The following PRR29 variants were observed in gnomAD, a reference collection of about 807,000 sequenced individuals.
The protein encoded by PRR29 is proline-rich protein 29.
PRR29 carries 20 observed loss-of-function variants against 25.1 expected under a neutral mutation model. The observed-to-expected ratio is 0.80, with a 90% CI of 0.56 to 1.16. The LOEUF (loss-of-function observed/expected upper bound fraction) is 1.16, where lower values mean the gene tolerates loss of function less well. Ranked by LOEUF, PRR29 falls within the 50% of genes most tolerant of loss-of-function variation. PRR29 has a pLI of 0.00. For synonymous variants in PRR29, 108 were observed against 102.6 expected, an observed-to-expected ratio of 1.05 and a Z score of -0.32; for missense variants, 238 against 246.6, an observed-to-expected ratio of 0.97 and a Z score of 0.23.
Position 64,001,987 on chromosome 17 carries a change from A to C in PRR29, c.*226A>C. ...GTGCTGTTGTGTAAGAGCTCCCTAG[A>C]GCACCACCCAGGCCCTTGAAGCCAC... On this transcript the variant is annotated 3_prime_UTR_variant, in exon 6 of 6. Transcript: ENST00000412177. 6.5e-7 allele frequency: 1 copy of C among 1,534,124 alleles called. No individual in the cohort carries two copies. The highest frequency in any genetic ancestry group is 2.4e-5 in the East Asian group (1 of 40,838).
At chr17:63,998,464 G>A (rs1226037618) in intron 1 of PRR29, 40 bp downstream of exon 1, 18 of 1,451,992 alleles carry the variant, frequency 1.2e-5, no homozygotes, top group Non-Finnish European at 1.5e-5. Flanking sequence ...CCTTAGCTTG[G>A]GAGACGGCAG....
chr17:64,003,724 C>A lies in PRR29; in HGVS notation c.*1963C>A. On this transcript the variant is annotated 3_prime_UTR_variant, in exon 6 of 6. Transcript: ENST00000412177. ...AGACATCAAGTCCAGCACAGCCAGG[C>A]AGGAGAAGTTGCGGTGGCCATCCTC... The A allele has an allele frequency of 3.7e-6, 6 of 1,614,200 alleles. No individual in the cohort carries two copies. Among genetic ancestry groups the A allele is most frequent in the Non-Finnish European group, 5.1e-6 (6 of 1,180,052 alleles).
Position 64,003,000 on chromosome 17 carries a change from C to T in PRR29, c.*1239C>T, listed in dbSNP as rs900337479. 8.4e-6 allele frequency: 12 copies of T among 1,434,962 alleles called. No individual in the cohort carries two copies. Among genetic ancestry groups the T allele is most frequent in the Admixed American group, 7.9e-5 (4 of 50,676 alleles). 88.9% of individuals were successfully genotyped at this position (1,434,962 alleles called of 1,614,324 possible). ...CAGGGACCAAAAGGGAGTGGAAGTC[C>T]ACCCCCAACCCAGACCCCCAGACCC... On this transcript the variant is annotated 3_prime_UTR_variant, in exon 6 of 6. Transcript: ENST00000412177.
chr17:64,001,795 T>C lies in PRR29; in HGVS notation c.*34T>C. On this transcript the variant is annotated 3_prime_UTR_variant, in exon 6 of 6. Coordinates refer to ENST00000412177, the MANE Select transcript of PRR29 (RefSeq NM_001164257.2). Reference sequence around the variant, plus strand: ...CCCGGCCCTGGGAACTGCACCAGCTTCCTGCTCTGGATACAGCCCCGGAGC... The same window carrying C: ...CCCGGCCCTGGGAACTGCACCAGCTCCCTGCTCTGGATACAGCCCCGGAGC... 6.5e-7 allele frequency: 1 copy of C among 1,537,058 alleles called. No homozygotes were observed. Among genetic ancestry groups the C allele is most frequent in the Non-Finnish European group, 8.7e-7 (1 of 1,146,850 alleles).
chr17:64,002,937 G>A lies in PRR29; in HGVS notation c.*1176G>A. On this transcript the variant is annotated 3_prime_UTR_variant, in exon 6 of 6. Transcript: ENST00000412177. ...GTCCGACACAGGCTCTGGGGAGGGA[G>A]GGGGCAAGGGTCTTAGACGTCCTGT... 1 of 1,611,684 alleles carries A rather than the reference G, an allele frequency of 6.2e-7. No homozygotes were observed. Among genetic ancestry groups the A allele is most frequent in the Non-Finnish European group, 8.5e-7 (1 of 1,178,570 alleles).
rs1233505364 is a variant in PRR29 at position 63,999,054 on chromosome 17, C to A, written c.223C>A (p.Pro75Thr). Residue 75 changes from proline to threonine, a missense_variant, in exon 3 of 6, where the codon CCT (proline) becomes ACT (threonine). Transcript: ENST00000412177. Reference protein sequence around the residue: ...RLVAGALQPRPASPCPQVYLE... With the variant: ...RLVAGALQPRTASPCPQVYLE... ...GGTGGCTGGAGCGCTGCAGCCCCGG[C>A]CTGCCTCGCCCTGCCCTCAGGTGCG... The A allele has an allele frequency of 1.2e-5, 18 of 1,535,764 alleles. No individual in the cohort carries two copies. Among genetic ancestry groups the A allele is most frequent in the Non-Finnish European group, 1.4e-5 (16 of 1,146,692 alleles).
At position 63,998,797 on chromosome 17, in the gene PRR29, T is replaced by TGGGGC; in HGVS notation, c.136+15_136+16insGGGGC. The TGGGGC allele has an allele frequency of 9.4e-7, 1 of 1,062,594 alleles. No homozygotes were observed. The highest frequency in any genetic ancestry group is 1.3e-6 in the Non-Finnish European group (1 of 761,692). 65.8% of individuals were successfully genotyped at this position (1,062,594 alleles called of 1,614,324 possible). Reference sequence around the variant, plus strand: ...CGTGAAGGAAGGTGAGACTCCCGGGTCCCCCCACCCCACCCCCACCATCAC... The same window carrying TGGGGC: ...CGTGAAGGAAGGTGAGACTCCCGGGTGGGGCCCCCCCACCCCACCCCCACCATCAC... On this transcript the variant is annotated intron_variant, in intron 2 of 5. Transcript: ENST00000412177.
In PRR29 at chr17:63,998,760, G is replaced by C. The variant is rs750352448; in HGVS notation, c.114G>C (p.Pro38=). The stretch of plus-strand genomic sequence containing the variant: ...CGTGGGCCGTCCCACCTGCGCCCCC[G>C]CAGCCAGGCCGCGTGAAGGAAGGTG... ...PLSWAVPPAP[P]QPGRVKEDLL... The change falls in exon 2 of 6, where the codon CCG becomes CCC. Residue 38 remains proline, a synonymous_variant. Transcript: ENST00000412177. The C allele has an allele frequency of 1.3e-6, 2 of 1,484,658 alleles. No homozygotes were observed. The highest frequency in any genetic ancestry group is 2.5e-5 in the South Asian group (2 of 80,614). 92.0% of individuals were successfully genotyped at this position (1,484,658 alleles called of 1,614,324 possible).
In PRR29 at chr17:64,002,764, G is replaced by T. The variant is rs758102062; in HGVS notation, c.*1003G>T. On this transcript the variant is annotated 3_prime_UTR_variant, in exon 6 of 6. Coordinates refer to ENST00000412177, the MANE Select transcript of PRR29 (RefSeq NM_001164257.2). ...CATGGTTGCTATGGCCGGAAGGCCT[G>T]GGGCAGCCTCCTCCAAGCCGCTCGC... 1 of 1,612,046 alleles carries T rather than the reference G, an allele frequency of 6.2e-7. No individual in the cohort carries two copies. Among genetic ancestry groups the T allele is most frequent in the Non-Finnish European group, 8.5e-7 (1 of 1,179,860 alleles).
rs1910816847 is a variant in PRR29 at position 64,002,155 on chromosome 17, G to T, written c.*394G>T. The T allele has an allele frequency of 5.1e-6, 4 of 782,672 alleles. No individual in the cohort carries two copies. The highest frequency in any genetic ancestry group is 8.0e-6 in the Non-Finnish European group (4 of 503,072). The allele number at this position is 782,672 out of a possible 1,614,324, so 48.5% of individuals were successfully genotyped here. On this transcript the variant is annotated 3_prime_UTR_variant, in exon 6 of 6. Transcript: ENST00000412177. ...AGTAATGGAGCAAGAGGGGAGGGGG[G>T]GATTCCTTCTGCTTTCCACAGCTTT...
At position 63,998,353 on chromosome 17, in the gene PRR29, C is replaced by G. The variant is rs763786276; in HGVS notation, c.-12C>G. ...GGCGTCCTCGGCGTCGCCAAGGCAA[C>G]CGGCGCCAGCCATGGCCTCTGGGGC... On this transcript the variant is annotated 5_prime_UTR_variant, in exon 1 of 6. Coordinates refer to ENST00000412177, the MANE Select transcript of PRR29 (RefSeq NM_001164257.2). The G allele has an allele frequency of 2.6e-6, 4 of 1,531,480 alleles. No individual in the cohort carries two copies. Among genetic ancestry groups the G allele is most frequent in the Middle Eastern group, 3.6e-4 (2 of 5,516 alleles). 94.9% of individuals were successfully genotyped at this position (1,531,480 alleles called of 1,614,324 possible).
At position 63,998,797 on chromosome 17, in the gene PRR29, T is replaced by TGGGGCC; in HGVS notation, c.136+15_136+16insGGGGCC. ...CGTGAAGGAAGGTGAGACTCCCGGGTCCCCCCACCCCACCCCCACCATCAC... is the reference window on the plus strand; with the variant it reads ...CGTGAAGGAAGGTGAGACTCCCGGGTGGGGCCCCCCCCACCCCACCCCCACCATCAC... On this transcript the variant is annotated intron_variant, in intron 2 of 5. Coordinates refer to ENST00000412177, the MANE Select transcript of PRR29 (RefSeq NM_001164257.2). 2 of 1,062,590 alleles carry TGGGGCC rather than the reference T, an allele frequency of 1.9e-6. No individual in the cohort carries two copies. The highest frequency in any genetic ancestry group is 1.3e-6 in the Non-Finnish European group (1 of 761,688). The allele number at this position is 1,062,590 out of a possible 1,614,324, so 65.8% of individuals were successfully genotyped here. A position where few individuals can be genotyped will look rare whatever the true frequency, so the allele number is the denominator to read the frequency against.
chr17:64,002,686 C>T lies in PRR29; in HGVS notation c.*925C>T. On this transcript the variant is annotated 3_prime_UTR_variant, in exon 6 of 6. Coordinates refer to ENST00000412177, the MANE Select transcript of PRR29 (RefSeq NM_001164257.2). Reference sequence around the variant, plus strand: ...CCTTCAGCCAGGGCTGGACCTCAACCCTGAGGAGTCACACTGAGTTCCAGT... The same window carrying T: ...CCTTCAGCCAGGGCTGGACCTCAACTCTGAGGAGTCACACTGAGTTCCAGT... 4 of 1,495,440 alleles carry T rather than the reference C, an allele frequency of 2.7e-6. No individual in the cohort carries two copies. Among genetic ancestry groups the T allele is most frequent in the Non-Finnish European group, 3.7e-6 (4 of 1,090,808 alleles). 92.6% of individuals were successfully genotyped at this position (1,495,440 alleles called of 1,614,324 possible). A position where few individuals can be genotyped will look rare whatever the true frequency, so the allele number is the denominator to read the frequency against.
intron 5 of PRR29, 29 bp from the exon 6 acceptor site, chr17:64,001,704 G>A (rs1313875769): frequency 2.0e-6 from 3 of 1,535,912 alleles, no homozygotes; most frequent in South Asian, 2.4e-5. Flanking sequence ...AGACAGGAGG[G>A]AGTCAAGATG....
Position 64,002,734 on chromosome 17 carries a change from C to T in PRR29, c.*973C>T, listed in dbSNP as rs1910863767. ...AGTGACCACCGTGGTGGTGGCCATG[C>T]CACTCATGGTTGCTATGGCCGGAAG... is the stretch of plus-strand genomic sequence containing the variant. On this transcript the variant is annotated 3_prime_UTR_variant, in exon 6 of 6. Coordinates refer to ENST00000412177, the MANE Select transcript of PRR29 (RefSeq NM_001164257.2). 1 of 1,607,156 alleles carries T rather than the reference C, an allele frequency of 6.2e-7. No homozygotes were observed. Among genetic ancestry groups the T allele is most frequent in the Non-Finnish European group, 8.5e-7 (1 of 1,177,520 alleles).
Position 63,998,797 on chromosome 17 carries a change from T to TGGCCCCCCCCCCCCCCC in PRR29, c.136+15_136+16insGGCCCCCCCCCCCCCCC. 1 of 1,062,602 alleles carries TGGCCCCCCCCCCCCCCC rather than the reference T, an allele frequency of 9.4e-7. No homozygotes were observed. The highest frequency in any genetic ancestry group is 1.3e-6 in the Non-Finnish European group (1 of 761,702). 65.8% of individuals were successfully genotyped at this position (1,062,602 alleles called of 1,614,324 possible). A position where few individuals can be genotyped will look rare whatever the true frequency, so the allele number is the denominator to read the frequency against. On this transcript the variant is annotated intron_variant, in intron 2 of 5. Transcript: ENST00000412177. ...CGTGAAGGAAGGTGAGACTCCCGGG[T>TGGCCCCCCCCCCCCCCC]CCCCCCACCCCACCCCCACCATCAC...
chr17:64,002,018 C>T lies in PRR29; in HGVS notation c.*257C>T, dbSNP rs1481063403. 2 of 1,523,364 alleles carry T rather than the reference C, an allele frequency of 1.3e-6. No homozygotes were observed. The highest frequency in any genetic ancestry group is 2.7e-5 in the African/African-American group (2 of 72,818). The allele number at this position is 1,523,364 out of a possible 1,614,324, so 94.4% of individuals were successfully genotyped here. ...ACCCAGGCCCTTGAAGCCACGTCAGCCCGCCTCTGCCCCACTGCTTCCTGC... is the reference window on the plus strand; with the variant it reads ...ACCCAGGCCCTTGAAGCCACGTCAGTCCGCCTCTGCCCCACTGCTTCCTGC... On this transcript the variant is annotated 3_prime_UTR_variant, in exon 6 of 6. Coordinates refer to ENST00000412177, the MANE Select transcript of PRR29 (RefSeq NM_001164257.2).
At chr17:64,000,697 G>C (rs1910610757) in intron 3 of PRR29, among the ~76,000 whole-genome samples, 1 of 150,470 alleles carries the variant, frequency 6.6e-6, no homozygotes, top group South Asian at 2.1e-4. Flanking sequence ...CTGCCGCCCA[G>C]GCTGGAGTGC....
intron 3 of PRR29, chr17:63,999,317 G>A: frequency 1.8e-6 from 1 of 566,596 alleles, no homozygotes; most frequent in Non-Finnish European, 3.1e-6. Flanking sequence ...TCCCTGTAGT[G>A]CCTCCCCCAC....
Sources: allele counts gnomAD v4.1 joint callset (sites outside exome capture counted in the v4.1 genomes callset), GRCh38; gene constraint gnomAD v4.1.1; transcripts MANE v1.5; gene names NCBI Gene and HGNC (gene_info 2026-07-23, HGNC 2026-07-21).